Variants in GIGYF2 observed in about 807,000 individuals in gnomAD.
The protein encoded by GIGYF2 is GRB10-interacting GYF protein 2.
In GIGYF2, 25 loss-of-function variants were observed where a neutral mutation model predicts 208.1. The observed-to-expected ratio is 0.12, with a 90% CI of 0.09 to 0.17. GIGYF2 has a LOEUF of 0.17. Among genes scored for constraint, GIGYF2 ranks in the 10% least tolerant of loss-of-function variants. The pLI is 1.00. For missense variants in GIGYF2, 1,302 were observed against 1,579.4 expected (o/e 0.82, Z 2.98); for synonymous variants, 534 against 543.8 (o/e 0.98, Z 0.25).
chr2:232,827,921 T>G (rs1211368476), intron 21 of GIGYF2, among the ~76,000 whole-genome samples: 1 of 152,242 alleles, frequency 6.6e-6, no homozygotes, highest in Non-Finnish European at 1.5e-5. Flanking sequence ...TTTTGTAATT[T>G]CCACTTTGGC....
intron 18 of GIGYF2, among the ~76,000 whole-genome samples, chr2:232,814,300 C>T (rs914500078): frequency 6.6e-6 from 1 of 151,818 alleles, no homozygotes; most frequent in East Asian, 1.9e-4. Flanking sequence ...TGGTGGCTCA[C>T]GCCTGTAATC....
chr2:232,801,385 C>T (rs1037543280), intron 14 of GIGYF2, among the ~76,000 whole-genome samples: 48 of 152,156 alleles, frequency 3.2e-4, no homozygotes, highest in African/African-American at 1.1e-3. Flanking sequence ...AAAAGCCAGG[C>T]ATGGTGGTAT....
intron 2 of GIGYF2, chr2:232,722,653 G>A (rs943880105): frequency 2.0e-5 from 3 of 152,230 alleles, no homozygotes; most frequent in African/African-American, 7.2e-5. Flanking sequence ...AAACTCTGAA[G>A]TATAGGTAAT....
intron 3 of GIGYF2, among the ~76,000 whole-genome samples, chr2:232,739,861 A>G (rs1470500517): frequency 6.7e-6 from 1 of 148,556 alleles, no homozygotes; most frequent in Non-Finnish European, 1.5e-5. Flanking sequence ...GCACTTTGGG[A>G]GGCCGAGGCG....
chr2:232,817,804 G>T (rs1243152352), intron 20 of GIGYF2, among the ~76,000 whole-genome samples: 1 of 152,062 alleles, frequency 6.6e-6, no homozygotes, highest in Admixed American at 6.5e-5. Context: ...TGACTTCCAC[G>T]TTTTAGCTAT....
chr2:232,813,716 C>T (rs1700814261), intron 18 of GIGYF2, among the ~76,000 whole-genome samples: 1 of 152,058 alleles, frequency 6.6e-6, no homozygotes, highest in Admixed American at 6.6e-5. Flanking sequence ...ATTGTCTTCC[C>T]TCATCGACTT....
In GIGYF2 at chr2:232,701,704, A is replaced by G. The variant is rs557803922; in HGVS notation, c.-109-1720A>G. Among the ~76,000 whole-genome samples the G allele has an allele frequency of 4.6e-5, 7 of 152,116 alleles. No individual in the cohort carries two copies. In the East Asian group the frequency reaches 1.4e-3, roughly 30 times the overall value. ...TTCCCAAAGTGTTGAGATTATAGGCATGAGCCACTGTGCCCCACCAAGAAT... is the reference window on the plus strand; with the variant it reads ...TTCCCAAAGTGTTGAGATTATAGGCGTGAGCCACTGTGCCCCACCAAGAAT... On this transcript the variant is annotated intron_variant, in intron 1 of 28. Coordinates refer to ENST00000373563, the MANE Select transcript of GIGYF2 (RefSeq NM_001103146.3).
At position 232,739,361 on chromosome 2, in the gene GIGYF2, A is replaced by ACCCCC. The variant is rs35983968; in HGVS notation, c.41+4132_41+4136dup. Among the ~76,000 whole-genome samples the ACCCCC allele has an allele frequency of 1.1e-4, 8 of 75,598 alleles. 1 individual carries two copies. Among genetic ancestry groups the ACCCCC allele is most frequent in the Admixed American group, 3.0e-4 (2 of 6,740 alleles). 49.6% of individuals were successfully genotyped at this position (75,598 alleles called of 152,430 possible). On this transcript the variant is annotated intron_variant, in intron 3 of 28. Coordinates refer to ENST00000373563, the MANE Select transcript of GIGYF2 (RefSeq NM_001103146.3). ...CAACAAGCCTGGGCAACAAAAGCAA[A>ACCCCC]CCCCCCCCCCCCCGCAAAAAAAAAG... is the stretch of plus-strand genomic sequence containing the variant.
At chr2:232,782,487 A>G (rs1699751672) in intron 8 of GIGYF2, among the ~76,000 whole-genome samples, 1 of 152,220 alleles carries the variant, frequency 6.6e-6, no homozygotes, top group South Asian at 2.1e-4. Context: ...ACCAAAACTC[A>G]TGTCCAAGAA....
chr2:232,845,754 C>T lies in GIGYF2; in HGVS notation c.3328C>T (p.Arg1110Trp), dbSNP rs183898839. ...TAGTAAATCTGTAGGTGTGTCTAAC[C>T]GGCAGAATAAGAAAGTAGAAGAAGA... is the stretch of plus-strand genomic sequence containing the variant. ...SLSKSVGVSN[R>W]QNKKVEEEEK... The change falls in exon 26 of 29, where the codon CGG (arginine) becomes TGG (tryptophan). Residue 1110 changes from arginine (R) to tryptophan (W), a missense_variant. This residue lies in a region of GIGYF2 where 701 missense variants were observed against 793.0 expected (regional missense o/e 0.88). Coordinates refer to ENST00000373563, the MANE Select transcript of GIGYF2 (RefSeq NM_001103146.3). The T allele has an allele frequency of 3.1e-6, 5 of 1,604,126 alleles. No homozygotes were observed. Among genetic ancestry groups the T allele is most frequent in the East Asian group, 4.5e-5 (2 of 44,836 alleles).
At chr2:232,745,146 T>C (rs1324909579) in intron 3 of GIGYF2, among the ~76,000 whole-genome samples, 1 of 152,146 alleles carries the variant, frequency 6.6e-6, no homozygotes, top group East Asian at 1.9e-4. Flanking sequence ...TGTGGGTATG[T>C]TGTTTGCTTA....
intron 12 of GIGYF2, among the ~76,000 whole-genome samples, chr2:232,792,523 A>C (rs1700100150): frequency 6.6e-6 from 1 of 152,148 alleles, no homozygotes; most frequent in Non-Finnish European, 1.5e-5. Context: ...AGATCACTTG[A>C]GCCCAGGAGT....
intron 2 of GIGYF2, among the ~76,000 whole-genome samples, chr2:232,733,044 C>G (rs1017211041): frequency 6.6e-6 from 1 of 152,056 alleles, no homozygotes; most frequent in Non-Finnish European, 1.5e-5. Context: ...ATCACGAGGT[C>G]AGGAGATCAA....
At chr2:232,854,804 A>G (rs1009010436) in intron 28 of GIGYF2, among the ~76,000 whole-genome samples, 4 of 152,192 alleles carry the variant, frequency 2.6e-5, no homozygotes, top group Non-Finnish European at 5.9e-5. Flanking sequence ...AAACTTGAAC[A>G]TGAAAAAACA....
intron 17 of GIGYF2, among the ~76,000 whole-genome samples, chr2:232,811,890 T>G (rs1208770050): frequency 1.3e-5 from 2 of 152,180 alleles, no homozygotes; most frequent in East Asian, 3.8e-4. Flanking sequence ...TTATATTTCT[T>G]TTGAGCCTTA....
chr2:232,734,349 C>T (rs1455663883), intron 2 of GIGYF2: 1 of 152,168 alleles, frequency 6.6e-6, no homozygotes, highest in Non-Finnish European at 1.5e-5. Flanking sequence ...ACCTCACCCT[C>T]CCAGGCAGCT....
intron 27 of GIGYF2, among the ~76,000 whole-genome samples, 192 bp downstream of exon 27, chr2:232,847,763 A>G (rs186250575): frequency 5.4e-4 from 82 of 152,360 alleles, no homozygotes; most frequent in South Asian, 1.2e-3. Flanking sequence ...AATAGCAAGT[A>G]CAACCATTCA....
intron 23 of GIGYF2, among the ~76,000 whole-genome samples, chr2:232,843,247 AAAGCCTACTTAATTTTTAAG>A (rs1364452462): frequency 6.6e-6 from 1 of 151,408 alleles, no homozygotes; most frequent in Non-Finnish European, 1.5e-5. Context: ...TGCTTAACCA[AAAGCCTACTTAATTTTTAAG>A]AAGTAATTCT....
At chr2:232,743,653 C>T (rs1698049774) in intron 3 of GIGYF2, among the ~76,000 whole-genome samples, 1 of 152,046 alleles carries the variant, frequency 6.6e-6, no homozygotes, top group Non-Finnish European at 1.5e-5. Context: ...GAATATTACC[C>T]AAATATGTTT....
Sources: gnomAD v4.1 joint callset for allele counts (sites outside exome capture counted in the v4.1 genomes callset) on GRCh38, gnomAD v4.1.1 for gene constraint, gnomAD v4.1.1 regional missense constraint, MANE v1.5 for transcripts, NCBI Gene and HGNC (gene_info 2026-07-23, HGNC 2026-07-21) for gene names.